SLC41A2: variants seen among roughly 807,000 people sequenced by gnomAD.
The protein encoded by SLC41A2 is solute carrier family 41 member 2, also known as SLC41A1-like 1.
A neutral mutation model predicts 58.3 loss-of-function variants in SLC41A2; 32 were observed. That is an observed-to-expected ratio of 0.55 (90% CI 0.41 to 0.74). The LOEUF is 0.74. Ranked by LOEUF, SLC41A2 falls within the 30% of genes least tolerant of loss-of-function variation. SLC41A2 has a pLI of 0.00. For missense variants in SLC41A2, 514 were observed against 680.6 expected (o/e 0.76, Z 2.72); for synonymous variants, 190 against 235.0 (o/e 0.81, Z 1.75).
chr12:104,855,246 T>C (rs2042977656), intron 8 of SLC41A2, among the ~76,000 whole-genome samples: 1 of 152,220 alleles, frequency 6.6e-6, no homozygotes, highest in African/African-American at 2.4e-5. Flanking sequence ...ATAAAATACA[T>C]GTAAGTTACA....
intron 8 of SLC41A2, among the ~76,000 whole-genome samples, chr12:104,848,974 T>G (rs1334932091): frequency 6.6e-6 from 1 of 151,974 alleles, no homozygotes; most frequent in Non-Finnish European, 1.5e-5. Flanking sequence ...AATAGTGCTA[T>G]CGACTTTTAA....
At chr12:104,905,087 G>A (rs377196704) in intron 3 of SLC41A2, among the ~76,000 whole-genome samples, 14 of 151,528 alleles carry the variant, frequency 9.2e-5, no homozygotes, top group East Asian at 3.9e-4. Context: ...GGTTCTCCAC[G>A]TCCCCATCAG....
At chr12:104,843,858 GC>G (rs1262557564) in intron 10 of SLC41A2, among the ~76,000 whole-genome samples, 3 of 152,054 alleles carry the variant, frequency 2.0e-5, no homozygotes, top group Admixed American at 6.6e-5. Context: ...CACTTATAAT[GC>G]TTCTGAGCAT....
chr12:104,957,348 A>G (rs1273548067), intron 1 of SLC41A2, among the ~76,000 whole-genome samples: 1 of 152,218 alleles, frequency 6.6e-6, no homozygotes. Flanking sequence ...CAGAAAGTAG[A>G]TTAGTGGTGG....
intron 10 of SLC41A2, among the ~76,000 whole-genome samples, chr12:104,838,049 G>A (rs57645161): frequency 6.6e-6 from 1 of 152,154 alleles, no homozygotes. Flanking sequence ...AGTCTGGCTT[G>A]CATTTTTCTT....
chr12:104,839,247 G>A (rs1346448930), intron 10 of SLC41A2, among the ~76,000 whole-genome samples: 2 of 152,070 alleles, frequency 1.3e-5, no homozygotes, highest in East Asian at 3.8e-4. Flanking sequence ...GAATTTAAAG[G>A]CTAGAGAAGT....
In SLC41A2 at chr12:104,883,897, T is replaced by C. The variant is rs532931836; in HGVS notation, c.1027+2396A>G. ...AAGCTGTCAGACAGGGACGTTTAAGTCCGCAGAAGTTTCTGCTGCCTTTTA... is the reference window on the plus strand; with the variant it reads ...AAGCTGTCAGACAGGGACGTTTAAGCCCGCAGAAGTTTCTGCTGCCTTTTA... On this transcript the variant is annotated intron_variant, in intron 6 of 10. Transcript: ENST00000258538. Among the ~76,000 whole-genome samples, 4 of 152,348 alleles carry C rather than the reference T, an allele frequency of 2.6e-5. No individual in the cohort carries two copies. The East Asian group carries it at 7.7e-4, about 29-fold the overall frequency.
chr12:104,887,691 C>A (rs2044741191), intron 5 of SLC41A2, among the ~76,000 whole-genome samples: 1 of 151,928 alleles, frequency 6.6e-6, no homozygotes, highest in South Asian at 2.1e-4. Flanking sequence ...CCATCTATAT[C>A]TTTTCAACTG....
intron 8 of SLC41A2, among the ~76,000 whole-genome samples, chr12:104,851,360 G>C (rs1363226268): frequency 6.6e-6 from 1 of 151,790 alleles, no homozygotes; most frequent in Non-Finnish European, 1.5e-5. Flanking sequence ...ATCATTTGGT[G>C]CCCATTCTAT....
chr12:104,868,141 C>A (rs906498850), intron 6 of SLC41A2, among the ~76,000 whole-genome samples: 5 of 151,910 alleles, frequency 3.3e-5, no homozygotes, highest in African/African-American at 7.3e-5. Flanking sequence ...ATGAAAAAAA[C>A]CTTTTATTTG....
intron 10 of SLC41A2, among the ~76,000 whole-genome samples, chr12:104,825,077 T>A (rs1439446582): frequency 3.9e-5 from 6 of 152,214 alleles, no homozygotes; most frequent in Non-Finnish European, 8.8e-5. Context: ...TCTTATCTCT[T>A]TCTTTATAAT....
At chr12:104,880,722 A>T (rs2044322472) in intron 6 of SLC41A2, among the ~76,000 whole-genome samples, 1 of 152,098 alleles carries the variant, frequency 6.6e-6, no homozygotes, top group Non-Finnish European at 1.5e-5. Context: ...TTTTGCCAGT[A>T]TTTTATTGAG....
chr12:104,933,392 T>C (rs554714142), intron 1 of SLC41A2, among the ~76,000 whole-genome samples: 3 of 152,298 alleles, frequency 2.0e-5, no homozygotes, highest in African/African-American at 4.8e-5. Flanking sequence ...GATGTTATCA[T>C]GGATGTGGTG....
chr12:104,841,561 T>C (rs748608011), intron 10 of SLC41A2, among the ~76,000 whole-genome samples: 9 of 152,064 alleles, frequency 5.9e-5, no homozygotes, highest in Admixed American at 1.3e-4. Flanking sequence ...CGATATAATA[T>C]GGAAAATGCT....
chr12:104,847,818 C>T (rs1021702559), intron 8 of SLC41A2, among the ~76,000 whole-genome samples: 7 of 152,082 alleles, frequency 4.6e-5, no homozygotes, highest in African/African-American at 1.2e-4. Flanking sequence ...CCTAGAATAG[C>T]ATCATTCAAT....
intron 6 of SLC41A2, among the ~76,000 whole-genome samples, chr12:104,878,409 C>T (rs2044172440): frequency 6.6e-6 from 1 of 151,412 alleles, no homozygotes; most frequent in South Asian, 2.1e-4. Context: ...CTGTGCTGCA[C>T]CCATTAACTC....
chr12:104,871,172 A>C (rs1452454545), intron 6 of SLC41A2, among the ~76,000 whole-genome samples: 1 of 152,188 alleles, frequency 6.6e-6, no homozygotes, highest in East Asian at 1.9e-4. Context: ...ATCAATCAAC[A>C]TTTTGCCTCT....
rs377593267 is a variant in SLC41A2, at chr12:104,954,693, A to G, written c.-168+3395T>C. Among the ~76,000 whole-genome samples the G allele has an allele frequency of 3.3e-5, 5 of 152,356 alleles. No homozygotes were observed. In the East Asian group the frequency reaches 9.6e-4, roughly 29 times the overall value. On this transcript the variant is annotated intron_variant, in intron 1 of 10. Coordinates refer to ENST00000258538, the MANE Select transcript of SLC41A2 (RefSeq NM_001352171.3). ...AATTACCAGCCTCATTCTTCTAAAT[A>G]AAGGCAGTGGCATAAAAGGGTTAAT...
intron 10 of SLC41A2, among the ~76,000 whole-genome samples, chr12:104,840,118 T>C (rs2042358562): frequency 6.6e-6 from 1 of 152,200 alleles, no homozygotes; most frequent in Non-Finnish European, 1.5e-5. Context: ...CAGAAAACCC[T>C]GAAGATGACA....
Sources: gnomAD v4.1 joint callset for allele counts (sites outside exome capture counted in the v4.1 genomes callset) on GRCh38, gnomAD v4.1.1 for gene constraint, MANE v1.5 for transcripts, NCBI Gene and HGNC (gene_info 2026-07-23, HGNC 2026-07-21) for gene names.